The following ADGRL2 variants were observed in gnomAD, a reference collection of about 807,000 sequenced individuals.
ADGRL2 encodes adhesion G protein-coupled receptor L2.
In ADGRL2, 44 loss-of-function variants were observed where a neutral mutation model predicts 157.4. The observed-to-expected ratio is 0.28, with a 90% CI of 0.22 to 0.36. The LOEUF is 0.36. Among genes scored for constraint, ADGRL2 ranks in the 10% least tolerant of loss-of-function variants. The pLI, the probability that ADGRL2 is intolerant of heterozygous loss-of-function variation, is 1.00. For missense variants in ADGRL2, 1,510 were observed against 1,768.9 expected (o/e 0.85, Z 2.63); for synonymous variants, 585 against 624.7 (o/e 0.94, Z 0.95).
chr1:81,748,455 G>A (rs1165858037), intron 1 of ADGRL2, among the ~76,000 whole-genome samples: 1 of 119,758 alleles, frequency 8.4e-6, no homozygotes, highest in African/African-American at 3.2e-5. Flanking sequence ...GCAATAGAGG[G>A]AGATTCCGTC....
intron 3 of ADGRL2, among the ~76,000 whole-genome samples, chr1:81,594,267 C>T (rs1413353020): frequency 6.6e-6 from 1 of 152,084 alleles, no homozygotes; most frequent in East Asian, 1.9e-4. Context: ...GAAGAAAGAT[C>T]ACAATTATTT....
chr1:81,593,087 A>T (rs2148596673), intron 3 of ADGRL2, among the ~76,000 whole-genome samples: 1 of 152,288 alleles, frequency 6.6e-6, no homozygotes, highest in East Asian at 1.9e-4. Flanking sequence ...GATGCAAAAT[A>T]ATTCCTGTTC....
At chr1:81,665,342 G>A (rs952108585) in intron 3 of ADGRL2, among the ~76,000 whole-genome samples, 7 of 152,006 alleles carry the variant, frequency 4.6e-5, no homozygotes, top group African/African-American at 1.7e-4. Flanking sequence ...ATCTTATGTG[G>A]TTTCTATGTA....
chr1:81,831,931 G>A (rs921267563), intron 1 of ADGRL2, among the ~76,000 whole-genome samples: 1 of 152,064 alleles, frequency 6.6e-6, no homozygotes, highest in African/African-American at 2.4e-5. Flanking sequence ...CTTATTAGCT[G>A]AGTAATTTCA....
At chr1:81,718,782 A>C (rs1272004434) in intron 1 of ADGRL2, among the ~76,000 whole-genome samples, 2 of 152,182 alleles carry the variant, frequency 1.3e-5, no homozygotes, top group Admixed American at 6.5e-5. Context: ...AAAAGTGTGA[A>C]TTTGAGCTAT....
Position 81,694,386 on chromosome 1 carries a change from G to T in ADGRL2, c.-142-67425G>T, listed in dbSNP as rs1283431522. Among the ~76,000 whole-genome samples the T allele has an allele frequency of 2.0e-5, 3 of 151,772 alleles. No individual in the cohort carries two copies. In the South Asian group the frequency reaches 6.2e-4, roughly 31 times the overall value. ...TAAAATAGATAATGAAACTACCGAT[G>T]TGGTTAGTTATAGATGAGATAATAT... is the stretch of plus-strand genomic sequence containing the variant. On this transcript the variant is annotated intron_variant, in intron 3 of 24. Transcript: ENST00000370721.
chr1:81,414,093 C>T lies in ADGRL2; in HGVS notation c.-301-30943C>T, dbSNP rs546731012. On this transcript the variant is annotated intron_variant, in intron 1 of 24. Transcript: ENST00000370721. ...ACCAAAGCATTCTTTACCTCTGGCT[C>T]CCCACTCTGTGCTGTATCATATTCT... is the stretch of plus-strand genomic sequence containing the variant. 168 of 152,262 alleles carry T rather than the reference C, an allele frequency of 1.1e-3. 1 individual carries two copies. The highest frequency in any genetic ancestry group is 3.8e-3 in the African/African-American group (159 of 41,562). 9.4% of individuals were successfully genotyped at this position (152,262 alleles called of 1,614,324 possible).
intron 3 of ADGRL2, among the ~76,000 whole-genome samples, chr1:81,645,319 G>A (rs1323350237): frequency 6.7e-6 from 1 of 148,228 alleles, no homozygotes; most frequent in Non-Finnish European, 1.5e-5. Flanking sequence ...TTGAGGCCAG[G>A]AGTTGGAGGT....
At chr1:81,848,565 G>T (rs2092884763) in intron 2 of ADGRL2, among the ~76,000 whole-genome samples, 4 of 151,878 alleles carry the variant, frequency 2.6e-5, no homozygotes, top group Admixed American at 2.6e-4. Flanking sequence ...GCTTAACATT[G>T]CATTACTTAA....
chr1:81,668,843 T>G (rs2082809127), intron 3 of ADGRL2, among the ~76,000 whole-genome samples: 1 of 152,198 alleles, frequency 6.6e-6, no homozygotes, highest in Non-Finnish European at 1.5e-5. Context: ...GTGCTGGGAT[T>G]ACAGGCGTGA....
At chr1:81,533,565 T>C (rs2079657953) in intron 2 of ADGRL2, among the ~76,000 whole-genome samples, 1 of 152,306 alleles carries the variant, frequency 6.6e-6, no homozygotes, top group African/African-American at 2.4e-5. Context: ...GCAGGCTTCT[T>C]TTCCTTGCAG....
At chr1:81,754,708 C>A (rs528719330) in intron 1 of ADGRL2, among the ~76,000 whole-genome samples, 2 of 146,494 alleles carry the variant, frequency 1.4e-5, no homozygotes, top group East Asian at 4.0e-4. Flanking sequence ...CTTCCTTCCT[C>A]TCTCTCTCTT....
At chr1:81,647,911 A>T (rs12743004) in intron 3 of ADGRL2, among the ~76,000 whole-genome samples, 21 of 152,214 alleles carry the variant, frequency 1.4e-4, no homozygotes, top group African/African-American at 4.8e-4. Context: ...GCCCTCCAGA[A>T]GCACGGCCCT....
intron 2 of ADGRL2, among the ~76,000 whole-genome samples, chr1:81,496,199 T>C (rs1570279348): frequency 6.6e-6 from 1 of 152,142 alleles, no homozygotes; most frequent in Non-Finnish European, 1.5e-5. Context: ...TCAGTGGCGG[T>C]AGACAGATTG....
chr1:81,309,130 C>A (rs965853790), intron 1 of ADGRL2, among the ~76,000 whole-genome samples: 1 of 152,088 alleles, frequency 6.6e-6, no homozygotes, highest in African/African-American at 2.4e-5. Flanking sequence ...TGCGACCCTG[C>A]TTAAGGGGAA....
chr1:81,420,859 C>A (rs2077111566), intron 1 of ADGRL2, among the ~76,000 whole-genome samples: 1 of 152,122 alleles, frequency 6.6e-6, no homozygotes, highest in South Asian at 2.1e-4. Context: ...AGATGAACTA[C>A]ATTAAATGGT....
chr1:81,877,084 T>G (rs995064747), intron 2 of ADGRL2, among the ~76,000 whole-genome samples: 5 of 152,272 alleles, frequency 3.3e-5, no homozygotes, highest in African/African-American at 9.6e-5. Context: ...TTTAATAGTT[T>G]TGTATTAAAT....
At chr1:81,764,321 G>A (rs888590423) in intron 2 of ADGRL2, among the ~76,000 whole-genome samples, 1 of 150,998 alleles carries the variant, frequency 6.6e-6, no homozygotes, top group African/African-American at 2.4e-5. Context: ...GAATATTTTT[G>A]ATATTAAAAA....
At chr1:81,605,766 A>G (rs2081419925) in intron 3 of ADGRL2, among the ~76,000 whole-genome samples, 1 of 152,208 alleles carries the variant, frequency 6.6e-6, no homozygotes, top group South Asian at 2.1e-4. Flanking sequence ...CATTGCCAAC[A>G]GTCTAGTTCT....
Sources: allele counts gnomAD v4.1 joint callset (sites outside exome capture counted in the v4.1 genomes callset), GRCh38; gene constraint gnomAD v4.1.1; transcripts MANE v1.5; gene names NCBI Gene and HGNC (gene_info 2026-07-23, HGNC 2026-07-21).